Variants in ADAMTS12 observed in about 807,000 individuals in gnomAD.
The protein encoded by ADAMTS12 is A disintegrin and metalloproteinase with thrombospondin motifs 12.
ADAMTS12 carries 118 observed loss-of-function variants against 167.8 expected under a neutral mutation model. The ratio of observed to expected loss-of-function variants is 0.70; its 90% CI spans 0.61 to 0.82. The LOEUF (loss-of-function observed/expected upper bound fraction) is 0.82, where lower values mean the gene tolerates loss of function less well. Ranked by LOEUF, ADAMTS12 falls within the 40% of genes least tolerant of loss-of-function variation. ADAMTS12 has a pLI of 0.00. For synonymous variants in ADAMTS12, 704 were observed against 716.9 expected, an observed-to-expected ratio of 0.98 and a Z score of 0.29; for missense variants, 1,916 against 1,998.8, an observed-to-expected ratio of 0.96 and a Z score of 0.79.
Position 33,576,589 on chromosome 5 carries a change from G to T in ADAMTS12, c.3437C>A (p.Thr1146Asn). The change falls in exon 19 of 24, where the codon ACC becomes AAC. Residue 1146 changes from threonine to asparagine, a missense_variant. By Grantham distance (65) the Thr-to-Asn change is moderately conservative. Transcript: ENST00000504830. ...CTCCATTTCTGGACCTTTGGTCAAGGTATTGTAAAATGGAGTCACAGGCCA... is the reference window on the plus strand; with the variant it reads ...CTCCATTTCTGGACCTTTGGTCAAGTTATTGTAAAATGGAGTCACAGGCCA... ...ITWPVTPFYN[T>N]LTKGPEMEIH... 1 of 1,614,190 alleles carries T rather than the reference G, an allele frequency of 6.2e-7. No individual in the cohort carries two copies. The highest frequency in any genetic ancestry group is 8.5e-7 in the Non-Finnish European group (1 of 1,180,038).
chr5:33,700,043 C>A (rs914347058), intron 3 of ADAMTS12, among the ~76,000 whole-genome samples: 5 of 152,290 alleles, frequency 3.3e-5, no homozygotes, highest in African/African-American at 1.2e-4. Flanking sequence ...ATAGTGACAA[C>A]ACCAAATGCT....
intron 2 of ADAMTS12, among the ~76,000 whole-genome samples, chr5:33,860,974 GC>G (rs1749594118): frequency 6.6e-6 from 1 of 152,178 alleles, no homozygotes; most frequent in East Asian, 1.9e-4. Flanking sequence ...TTACACACAA[GC>G]AAATGCTGAG....
chr5:33,534,991 C>A lies in ADAMTS12; in HGVS notation c.4448G>T (p.Cys1483Phe). 1.2e-6 allele frequency: 2 copies of A among 1,601,386 alleles called. No homozygotes were observed. Among genetic ancestry groups the A allele is most frequent in the Non-Finnish European group, 1.7e-6 (2 of 1,176,124 alleles). The stretch of plus-strand genomic sequence containing the variant: ...AAAGCCACCTCCACAGGAAGTGGAA[C>A]ACTGAAAGAGAAGGTGAACAGAGAG... ...CHWATGNWDLCSTSCGGGFQK... is the reference protein window; with the variant it reads ...CHWATGNWDLFSTSCGGGFQK... The change falls in exon 23 of 24, where the codon TGT becomes TTT. Residue 1483 changes from cysteine (C) to phenylalanine (F), a missense_variant and splice_region_variant. Coordinates refer to ENST00000504830, the MANE Select transcript of ADAMTS12 (RefSeq NM_030955.4).
chr5:33,627,379 G>A (rs1739709343), intron 13 of ADAMTS12, among the ~76,000 whole-genome samples: 1 of 151,276 alleles, frequency 6.6e-6, no homozygotes, highest in African/African-American at 2.4e-5. Flanking sequence ...GTTGATGGTG[G>A]TGGTGGGAGT....
intron 21 of ADAMTS12, among the ~76,000 whole-genome samples, chr5:33,548,168 G>A (rs1333083975): frequency 6.6e-6 from 1 of 152,166 alleles, no homozygotes; most frequent in African/African-American, 2.4e-5. Context: ...CACATGGTAG[G>A]TGCCCCCAAA....
intron 21 of ADAMTS12, 38 bp from the exon 22 acceptor site, chr5:33,546,240 G>T: frequency 6.3e-7 from 1 of 1,578,006 alleles, no homozygotes; most frequent in African/African-American, 1.4e-5. Flanking sequence ...TAAAAGTCAG[G>T]TGGAGACATG....
At chr5:33,760,140 C>T (rs532898296) in intron 2 of ADAMTS12, among the ~76,000 whole-genome samples, 12 of 152,240 alleles carry the variant, frequency 7.9e-5, no homozygotes, top group African/African-American at 2.9e-4. Context: ...TGCATTCTTC[C>T]ATCATGTGGT....
At chr5:33,557,980 G>T (rs553180577) in intron 20 of ADAMTS12, among the ~76,000 whole-genome samples, 9 of 151,902 alleles carry the variant, frequency 5.9e-5, no homozygotes, top group Admixed American at 5.3e-4. Context: ...ATCTGTCACT[G>T]TCTCCCATCA....
intron 3 of ADAMTS12, among the ~76,000 whole-genome samples, chr5:33,729,029 G>A (rs1337464806): frequency 6.6e-6 from 1 of 152,154 alleles, no homozygotes; most frequent in African/African-American, 2.4e-5. Flanking sequence ...ATATGTGTAG[G>A]AAAACCGATG....
At chr5:33,714,598 T>G (rs1209931228) in intron 3 of ADAMTS12, among the ~76,000 whole-genome samples, 1 of 151,838 alleles carries the variant, frequency 6.6e-6, no homozygotes, top group Non-Finnish European at 1.5e-5. Flanking sequence ...GATATATACA[T>G]GATGGAATAC....
At chr5:33,619,773 C>T (rs1199482214) in intron 14 of ADAMTS12, among the ~76,000 whole-genome samples, 1 of 152,152 alleles carries the variant, frequency 6.6e-6, no homozygotes, top group Non-Finnish European at 1.5e-5. Context: ...GGGCTCACTG[C>T]AACCTCCGCC....
At chr5:33,596,813 TGAAA>T (rs1479252497) in intron 16 of ADAMTS12, among the ~76,000 whole-genome samples, 1 of 152,246 alleles carries the variant, frequency 6.6e-6, no homozygotes, top group Non-Finnish European at 1.5e-5. Flanking sequence ...CAGTAAATTC[TGAAA>T]GACTGAAATA....
chr5:33,615,018 T>C (rs534069915), intron 15 of ADAMTS12, among the ~76,000 whole-genome samples: 2 of 152,364 alleles, frequency 1.3e-5, no homozygotes, highest in Admixed American at 1.3e-4. Flanking sequence ...AACTTAGGTA[T>C]GCTGCTCTTG....
chr5:33,704,150 C>T (rs1225792131), intron 3 of ADAMTS12, among the ~76,000 whole-genome samples: 4 of 152,098 alleles, frequency 2.6e-5, no homozygotes, highest in Admixed American at 6.6e-5. Context: ...CAAATAAAAA[C>T]CAACTAATAT....
At chr5:33,782,953 T>G (rs1419579934) in intron 2 of ADAMTS12, among the ~76,000 whole-genome samples, 2 of 152,026 alleles carry the variant, frequency 1.3e-5, no homozygotes, top group Non-Finnish European at 2.9e-5. Context: ...AACATTTCCC[T>G]CATAAAAGCA....
In ADAMTS12 at chr5:33,549,243, C is replaced by T; in HGVS notation, c.4266G>A (p.Glu1422=). Residue 1422 remains glutamate (E), a synonymous_variant, in exon 21 of 24, where the codon GAG becomes GAA. Transcript: ENST00000504830. ...GCTCCACCTGCCACGCCTCACAGGG[C>T]TCCGGGTTACAGCTCATGCTCAATG... is the stretch of plus-strand genomic sequence containing the variant. ...PPPLSMSCNP[E]PCEAWQVEPW... is the part of the protein sequence containing the mutation. The T allele has an allele frequency of 1.2e-6, 2 of 1,614,174 alleles. No homozygotes were observed. The highest frequency in any genetic ancestry group is 2.2e-5 in the South Asian group (2 of 91,076).
At position 33,568,311 on chromosome 5, in the gene ADAMTS12, C is replaced by A. The variant is rs141545644; in HGVS notation, c.3973-7132G>T. ...TTTAGAAATCAAACATAAATCAAAG[C>A]GAAAACATAGCTCAAATGCAAGCAA... is the stretch of plus-strand genomic sequence containing the variant. On this transcript the variant is annotated intron_variant, in intron 19 of 23. Transcript: ENST00000504830. 3.4e-3 allele frequency among the ~76,000 whole-genome samples: 522 copies of A among 152,144 alleles called. 5 individuals are homozygous for A. Among genetic ancestry groups the A allele is most frequent in the African/African-American group, 0.012 (510 of 41,484 alleles).
chr5:33,774,678 T>A (rs1364689643), intron 2 of ADAMTS12, among the ~76,000 whole-genome samples: 1 of 152,192 alleles, frequency 6.6e-6, no homozygotes, highest in African/African-American at 2.4e-5. Flanking sequence ...TATTATCCAA[T>A]AGAAAAGATA....
chr5:33,785,450 CAT>C lies in ADAMTS12; in HGVS notation c.490-33904_490-33903del, dbSNP rs530614288. On this transcript the variant is annotated intron_variant, in intron 2 of 23. Coordinates refer to ENST00000504830, the MANE Select transcript of ADAMTS12 (RefSeq NM_030955.4). Reference sequence around the variant, plus strand: ...AAGACTTGCATTCAGAGTGTGTGTACATGTGTGTGTGTACGTGTGTGTTTGTG... The same window carrying C: ...AAGACTTGCATTCAGAGTGTGTGTACGTGTGTGTGTACGTGTGTGTTTGTG... Among the ~76,000 whole-genome samples, 82 of 151,980 alleles carry C rather than the reference CAT, an allele frequency of 5.4e-4. 1 individual carries two copies. Among genetic ancestry groups the C allele is most frequent in the African/African-American group, 1.8e-3 (76 of 41,508 alleles).
Sources: allele counts gnomAD v4.1 joint callset (sites outside exome capture counted in the v4.1 genomes callset), GRCh38; gene constraint gnomAD v4.1.1; transcripts MANE v1.5; gene names NCBI Gene and HGNC (gene_info 2026-07-23, HGNC 2026-07-21).